The following ATP6V1G3 variants were observed in gnomAD, a reference collection of about 807,000 sequenced individuals.
ATP6V1G3 encodes ATPase H+ transporting V1 subunit G3.
A neutral mutation model predicts 9.3 loss-of-function variants in ATP6V1G3; 9 were observed. The ratio of observed to expected loss-of-function variants is 0.97; its 90% CI spans 0.59 to 1.69. The LOEUF (loss-of-function observed/expected upper bound fraction) is 1.69, where lower values mean the gene tolerates loss of function less well. ATP6V1G3 is among the 40% of genes most tolerant of loss of function. ATP6V1G3 has a pLI of 0.00. For missense variants in ATP6V1G3, 133 were observed against 139.0 expected (o/e 0.96, Z 0.22); for synonymous variants, 43 against 43.8 (o/e 0.98, Z 0.07).
rs1017381230 is a variant in ATP6V1G3 at position 198,532,245 on chromosome 1, G to T, written c.83-3064C>A. Among the ~76,000 whole-genome samples, 2 of 152,102 alleles carry T rather than the reference G, an allele frequency of 1.3e-5. 1 individual carries two copies. Among genetic ancestry groups the T allele is most frequent in the East Asian group, 3.8e-4 (2 of 5,196 alleles). ...AGAATGAGGAGAAAAGAAGGCTAAGGTCTCAGCTTGGGGGAATATTAACAC... is the reference window on the plus strand; with the variant it reads ...AGAATGAGGAGAAAAGAAGGCTAAGTTCTCAGCTTGGGGGAATATTAACAC... On this transcript the variant is annotated intron_variant, in intron 1 of 2. Coordinates refer to ENST00000367382, the MANE Select transcript of ATP6V1G3 (RefSeq NM_001376861.1).
chr1:198,528,479 C>T (rs74475713), intron 2 of ATP6V1G3, among the ~76,000 whole-genome samples: 5,964 of 151,966 alleles, frequency 0.039, 411 homozygotes, highest in East Asian at 0.24. Flanking sequence ...GGAGGGTGTC[C>T]GCTCCAAAGG....
At chr1:198,533,619 G>A (rs1046132916) in intron 1 of ATP6V1G3, among the ~76,000 whole-genome samples, 4 of 152,176 alleles carry the variant, frequency 2.6e-5, no homozygotes, top group African/African-American at 4.8e-5. Context: ...GAGACAGCTG[G>A]TGTTTATATG....
intron 1 of ATP6V1G3, among the ~76,000 whole-genome samples, chr1:198,540,261 G>A (rs921761228): frequency 2.6e-5 from 4 of 152,068 alleles, no homozygotes; most frequent in Non-Finnish European, 5.9e-5. Context: ...TCAATCCAGA[G>A]GTTTTCTACC....
At chr1:198,533,773 G>T (rs1660001664) in intron 1 of ATP6V1G3, among the ~76,000 whole-genome samples, 1 of 152,124 alleles carries the variant, frequency 6.6e-6, no homozygotes, top group African/African-American at 2.4e-5. Context: ...TCCAAATTGG[G>T]GTCCGACTTT....
At chr1:198,530,088 T>G (rs1185057871) in intron 1 of ATP6V1G3, among the ~76,000 whole-genome samples, 1 of 152,158 alleles carries the variant, frequency 6.6e-6, no homozygotes, top group Non-Finnish European at 1.5e-5. Flanking sequence ...TTCATGATCA[T>G]TAAAACTTTA....
Position 198,531,861 on chromosome 1 carries a change from GA to G in ATP6V1G3, c.83-2681del, listed in dbSNP as rs543322700. Among the ~76,000 whole-genome samples, 28 of 151,764 alleles carry G rather than the reference GA, an allele frequency of 1.8e-4. No individual in the cohort carries two copies. In the South Asian group the frequency reaches 2.9e-3, roughly 16 times the overall value. On this transcript the variant is annotated intron_variant, in intron 1 of 2. Coordinates refer to ENST00000367382, the MANE Select transcript of ATP6V1G3 (RefSeq NM_001376861.1). Reference sequence around the variant, plus strand: ...CCATAAAAAGTTATTGGAGGGATTAGAAAAAAATGTATATAAAATGATTGAC... The same window carrying G: ...CCATAAAAAGTTATTGGAGGGATTAGAAAAAATGTATATAAAATGATTGAC...
intron 2 of ATP6V1G3, among the ~76,000 whole-genome samples, chr1:198,527,411 G>GAT (rs886750660): frequency 8.6e-5 from 13 of 152,020 alleles, no homozygotes; most frequent in African/African-American, 2.4e-4. Context: ...ACCTGAACAA[G>GAT]ATATATATAT....
intron 1 of ATP6V1G3, among the ~76,000 whole-genome samples, chr1:198,534,090 C>T (rs1020935417): frequency 1.3e-5 from 2 of 152,122 alleles, no homozygotes; most frequent in African/African-American, 4.8e-5. Flanking sequence ...GTGGATTTGA[C>T]AGCTAGAGGA....
intron 1 of ATP6V1G3, 70 bp from the exon 2 acceptor site, chr1:198,529,251 A>G: frequency 5.7e-6 from 2 of 349,684 alleles, no homozygotes; most frequent in Non-Finnish European, 4.4e-6. Context: ...TTTATTATAT[A>G]TATCTCAACA....
chr1:198,533,448 T>C (rs1488353402), intron 1 of ATP6V1G3, among the ~76,000 whole-genome samples: 2 of 152,004 alleles, frequency 1.3e-5, no homozygotes, highest in African/African-American at 2.4e-5. Flanking sequence ...AAAGTAGTAG[T>C]GGAGTTAGCA....
chr1:198,524,194 G>C (rs941838965), intron 2 of ATP6V1G3, among the ~76,000 whole-genome samples: 1 of 149,422 alleles, frequency 6.7e-6, no homozygotes, highest in Non-Finnish European at 1.5e-5. Context: ...GCGTAGTCTT[G>C]GCTCACTGCA....
chr1:198,528,919 CA>C (rs139710381), intron 2 of ATP6V1G3, among the ~76,000 whole-genome samples, 161 bp downstream of exon 2: 1,557 of 151,156 alleles, frequency 0.01, 28 homozygotes, highest in African/African-American at 0.035. Context: ...AATGTAAAAT[CA>C]GTAATTATTA....
At chr1:198,523,609 T>C in intron 2 of ATP6V1G3, 45 bp from the exon 3 acceptor site, 1 of 1,565,550 alleles carries the variant, frequency 6.4e-7, no homozygotes, top group East Asian at 2.3e-5. Flanking sequence ...ATACAATTGT[T>C]TTACAAGTTA....
intron 1 of ATP6V1G3, among the ~76,000 whole-genome samples, chr1:198,534,519 GT>G: frequency 6.6e-6 from 1 of 152,278 alleles, no homozygotes; most frequent in South Asian, 2.1e-4. Context: ...AAGCCACCTA[GT>G]ATATGGTAAT....
rs71569596 is a variant in ATP6V1G3 at position 198,538,891 on chromosome 1, C to CAAAAAAA, written c.82+1671_82+1677dup. 1.2e-3 allele frequency among the ~76,000 whole-genome samples: 112 copies of CAAAAAAA among 97,352 alleles called. 4 individuals are homozygous for CAAAAAAA. Among genetic ancestry groups the CAAAAAAA allele is most frequent in the African/African-American group, 4.7e-3 (106 of 22,766 alleles). The allele number at this position is 97,352 out of a possible 152,430, so 63.9% of individuals were successfully genotyped here. On this transcript the variant is annotated intron_variant, in intron 1 of 2. Coordinates refer to ENST00000367382, the MANE Select transcript of ATP6V1G3 (RefSeq NM_001376861.1). Reference sequence around the variant, plus strand: ...CTGGGAACAGAAGCAGACCCTGTCTCAAAAAAAAAAAAAAAGAAGAAGAAG... The same window carrying CAAAAAAA: ...CTGGGAACAGAAGCAGACCCTGTCTCAAAAAAAAAAAAAAAAAAAAAAGAAGAAGAAG...
chr1:198,538,906 A>AAAAAAAAAAAAG (rs56862901), intron 1 of ATP6V1G3, among the ~76,000 whole-genome samples: 2 of 148,662 alleles, frequency 1.3e-5, no homozygotes, highest in Admixed American at 6.7e-5. Flanking sequence ...AAAAAAAAAA[A>AAAAAAAAAAAAG]GAAGAAGAAG....
In ATP6V1G3 at chr1:198,523,283, G is replaced by T; in HGVS notation, c.*108C>A. On this transcript the variant is annotated 3_prime_UTR_variant, in exon 3 of 3. Transcript: ENST00000367382. ...GAGTTATGTCACATTTCCTGTAAATGTAAATTTAAGGTTCTCATTTCAAAT... is the reference window on the plus strand; with the variant it reads ...GAGTTATGTCACATTTCCTGTAAATTTAAATTTAAGGTTCTCATTTCAAAT... 1 of 1,101,368 alleles carries T rather than the reference G, an allele frequency of 9.1e-7. No homozygotes were observed. Among genetic ancestry groups the T allele is most frequent in the Non-Finnish European group, 1.3e-6 (1 of 764,382 alleles). 68.2% of individuals were successfully genotyped at this position (1,101,368 alleles called of 1,614,324 possible).
chr1:198,536,759 C>A (rs200055195), intron 1 of ATP6V1G3: 160 of 1,506,092 alleles, frequency 1.1e-4, no homozygotes, highest in Admixed American at 3.1e-4. Flanking sequence ...GGAATGAGAT[C>A]ATTCTAGTCT....
intron 1 of ATP6V1G3, among the ~76,000 whole-genome samples, chr1:198,532,230 G>A (rs1659929994): frequency 6.6e-6 from 1 of 152,146 alleles, no homozygotes; most frequent in Admixed American, 6.6e-5. Flanking sequence ...AGAATGAGGA[G>A]AAAAGAAGGC....
Sources: allele counts gnomAD v4.1 joint callset (sites outside exome capture counted in the v4.1 genomes callset), GRCh38; gene constraint gnomAD v4.1.1; transcripts MANE v1.5; gene names NCBI Gene and HGNC (gene_info 2026-07-23, HGNC 2026-07-21).